NAB1: variants seen among roughly 807,000 people sequenced by gnomAD.
NAB1 encodes the protein NGFI-A-binding protein 1.
NAB1 carries 25 observed loss-of-function variants against 49.9 expected under a neutral mutation model. The observed-to-expected ratio is 0.50, with a 90% CI of 0.37 to 0.70. The LOEUF (loss-of-function observed/expected upper bound fraction) is 0.70, where lower values mean the gene tolerates loss of function less well. Among genes scored for constraint, NAB1 ranks in the 30% least tolerant of loss-of-function variants. NAB1 has a pLI of 0.00. For synonymous variants in NAB1, 198 were observed against 215.6 expected, an observed-to-expected ratio of 0.92 and a Z score of 0.71; for missense variants, 489 against 575.9, an observed-to-expected ratio of 0.85 and a Z score of 1.54.
rs57840299 is a variant in NAB1, at chr2:190,654,654, C to CTA, written c.-196-1322_-196-1321insAT. The stretch of plus-strand genomic sequence containing the variant: ...ATATGAGTAGTTTGGATTTCTTTCT[C>CTA]TGCACTGGTGGAGAAGTTCGCAAAT... On this transcript the variant is annotated intron_variant, in intron 2 of 9. Transcript: ENST00000337386. This position sits in a 1 kb window ranked among gnomAD's most constrained non-coding sequence, Gnocchi z 5.6. 0.89 allele frequency among the ~76,000 whole-genome samples: 135,329 copies of CTA among 152,014 alleles called. 61,196 individuals are homozygous for CTA. The highest frequency in any genetic ancestry group is 1 in the East Asian group (5,159 of 5,170).
rs929996765 is a variant in NAB1 at position 190,651,624 on chromosome 2, A to G, written c.-197+1642A>G. ...CTCAAACTCCTGGGGCCAAGGGATT[A>G]TCCCACCTTAGCCTCCGAAGTTATG... is the stretch of plus-strand genomic sequence containing the variant. On this transcript the variant is annotated intron_variant, in intron 2 of 9. Transcript: ENST00000337386. The surrounding 1 kb of genome is among the most constrained non-coding windows in gnomAD (Gnocchi z 4.3). Among the ~76,000 whole-genome samples, 2 of 152,212 alleles carry G rather than the reference A, an allele frequency of 1.3e-5. No individual in the cohort carries two copies. The highest frequency in any genetic ancestry group is 2.9e-5 in the Non-Finnish European group (2 of 68,044).
At chr2:190,660,026 T>G (rs1220230599) in intron 4 of NAB1, 31 bp downstream of exon 4, 1 of 1,569,332 alleles carries the variant, frequency 6.4e-7, no homozygotes, top group African/African-American at 1.4e-5. Context: ...CTTCTGTGTG[T>G]GTATGTGGCA....
Position 190,649,599 on chromosome 2 carries a change from C to T in NAB1, c.-334+239C>T, listed in dbSNP as rs568587032. Among the ~76,000 whole-genome samples the T allele has an allele frequency of 2.6e-5, 4 of 152,062 alleles. No individual in the cohort carries two copies. The South Asian group carries it at 8.3e-4, about 32-fold the overall frequency. On this transcript the variant is annotated intron_variant, in intron 1 of 9. Coordinates refer to ENST00000337386, the MANE Select transcript of NAB1 (RefSeq NM_005966.4). The surrounding 1 kb of genome is among the most constrained non-coding windows in gnomAD (Gnocchi z 6.1). ...GTGCCAGGGCGGCGGGGAGCGCGGC[C>T]CTGACTCGTGCATTTTCCCTCCGAG...
Position 190,649,739 on chromosome 2 carries a change from G to C in NAB1, c.-333-107G>C, listed in dbSNP as rs1166153683. 6.6e-6 allele frequency: 1 copy of C among 152,258 alleles called. No homozygotes were observed. The highest frequency in any genetic ancestry group is 1.5e-5 in the Non-Finnish European group (1 of 68,148). 9.4% of individuals were successfully genotyped at this position (152,258 alleles called of 1,614,324 possible). On this transcript the variant is annotated intron_variant, in intron 1 of 9. Coordinates refer to ENST00000337386, the MANE Select transcript of NAB1 (RefSeq NM_005966.4). The surrounding 1 kb of genome is among the most constrained non-coding windows in gnomAD (Gnocchi z 6.1). ...GCCCCAGAGTTTTGCAGCCACCTTC[G>C]TCAGGGCAGTCTTTTTGTTTGTTTA...
chr2:190,688,140 A>G (rs1368507843), intron 9 of NAB1, among the ~76,000 whole-genome samples: 1 of 152,238 alleles, frequency 6.6e-6, no homozygotes, highest in Non-Finnish European at 1.5e-5. Context: ...AAGTAACTTT[A>G]GGAGTCACTT....
At position 190,659,432 on chromosome 2, in the gene NAB1, C is replaced by G; in HGVS notation, c.256C>G (p.Leu86Val). 2 of 1,614,204 alleles carry G rather than the reference C, an allele frequency of 1.2e-6. No homozygotes were observed. Residue 86 changes from leucine to valine, a missense_variant, in exon 4 of 10, where the codon CTG becomes GTG. Leu to Val is a conservative substitution (Grantham distance 32, BLOSUM62 1). Around this residue, in one of 4 missense-constraint regions of NAB1, gnomAD observed 204 missense variants for 220.9 expected, o/e 0.92. Coordinates refer to ENST00000337386, the MANE Select transcript of NAB1 (RefSeq NM_005966.4). This position sits in a 1 kb window ranked among gnomAD's most constrained non-coding sequence, Gnocchi z 6.2. ...VTNPGLFNQP[L>V]TSLPVSSIPI... ...AAACCCTGGGCTTTTCAATCAGCCA[C>G]TGACTTCCCTTCCTGTCAGTAGCAT...
At chr2:190,690,190 T>C (rs1695885886) in intron 9 of NAB1, 55 bp from the exon 10 acceptor site, 2 of 1,236,360 alleles carry the variant, frequency 1.6e-6, no homozygotes, top group East Asian at 4.6e-5. Context: ...CTTTGTTTGA[T>C]TTTTGTAGTC....
chr2:190,661,702 C>G (rs1286032813), intron 4 of NAB1, among the ~76,000 whole-genome samples: 1 of 151,884 alleles, frequency 6.6e-6, no homozygotes, highest in African/African-American at 2.4e-5. Context: ...ATGAATTTCA[C>G]AAAATAAGGA....
chr2:190,681,310 C>T (rs1463173799), intron 6 of NAB1, among the ~76,000 whole-genome samples: 1 of 152,132 alleles, frequency 6.6e-6, no homozygotes, highest in Non-Finnish European at 1.5e-5. Flanking sequence ...ATGATAACCG[C>T]TTATATTGAA....
At chr2:190,681,332 T>G (rs1442336868) in intron 6 of NAB1, among the ~76,000 whole-genome samples, 5 of 152,254 alleles carry the variant, frequency 3.3e-5, no homozygotes, top group Admixed American at 2.0e-4. Context: ...TTGTTCTAAC[T>G]CTTCTACTAG....
chr2:190,685,818 T>C lies in NAB1; in HGVS notation c.1258+180T>C, dbSNP rs1695578318. The C allele has an allele frequency of 1.3e-5, 7 of 557,528 alleles. No homozygotes were observed. The South Asian group carries it at 3.0e-4, about 24-fold the overall frequency. 34.5% of individuals were successfully genotyped at this position (557,528 alleles called of 1,614,324 possible). On this transcript the variant is annotated intron_variant, in intron 8 of 9. Transcript: ENST00000337386. The surrounding 1 kb of genome is among the most constrained non-coding windows in gnomAD (Gnocchi z 4.5). ...AAAAGATAATTTATCCTGCAAATTT[T>C]AATTTGTAAATTTTTTAATCTTTAA...
intron 6 of NAB1, among the ~76,000 whole-genome samples, chr2:190,683,255 C>T (rs922417982): frequency 6.7e-6 from 1 of 150,218 alleles, no homozygotes; most frequent in African/African-American, 2.5e-5. Flanking sequence ...CCCAGCCTCC[C>T]TAGTAGCTGT....
At chr2:190,672,514 T>C (rs1280531867) in intron 5 of NAB1, among the ~76,000 whole-genome samples, 1 of 152,158 alleles carries the variant, frequency 6.6e-6, no homozygotes, top group African/African-American at 2.4e-5. Flanking sequence ...TCAGGGTAAA[T>C]ACATCTGTAG....
intron 4 of NAB1, among the ~76,000 whole-genome samples, chr2:190,662,888 A>G (rs1694299665): frequency 6.6e-6 from 1 of 152,190 alleles, no homozygotes; most frequent in Non-Finnish European, 1.5e-5. Context: ...TGGGGTGCTG[A>G]GCAGGTTACC....
At chr2:190,653,162 C>G (rs771174499) in intron 2 of NAB1, among the ~76,000 whole-genome samples, 8 of 152,164 alleles carry the variant, frequency 5.3e-5, no homozygotes, top group Non-Finnish European at 1.2e-4. Context: ...CCATTTCACC[C>G]TTCTCTCAGG....
chr2:190,683,328 T>G (rs1695447032), intron 6 of NAB1, among the ~76,000 whole-genome samples: 1 of 131,182 alleles, frequency 7.6e-6, no homozygotes, highest in African/African-American at 3.0e-5. Context: ...TTTTTTTTAG[T>G]AGAGATGGGG....
chr2:190,655,884 T>G (rs1427268969), intron 2 of NAB1, 93 bp from the exon 3 acceptor site: 1 of 152,204 alleles, frequency 6.6e-6, no homozygotes, highest in Non-Finnish European at 1.5e-5. Flanking sequence ...TGATTACCGT[T>G]TAAAAGATCA....
At chr2:190,683,491 T>G (rs1213215372) in intron 6 of NAB1, among the ~76,000 whole-genome samples, 2 of 151,936 alleles carry the variant, frequency 1.3e-5, no homozygotes, top group South Asian at 2.1e-4. Flanking sequence ...TCATAAAGCC[T>G]TCTTTCCAGT....
rs1383818617 is a variant in NAB1 at position 190,685,294 on chromosome 2, T to A, written c.1096-182T>A. Among the ~76,000 whole-genome samples the A allele has an allele frequency of 6.6e-6, 1 of 152,280 alleles. No individual in the cohort carries two copies. Among genetic ancestry groups the A allele is most frequent in the Non-Finnish European group, 1.5e-5 (1 of 68,050 alleles). On this transcript the variant is annotated intron_variant, in intron 7 of 9. Coordinates refer to ENST00000337386, the MANE Select transcript of NAB1 (RefSeq NM_005966.4). This position sits in a 1 kb window ranked among gnomAD's most constrained non-coding sequence, Gnocchi z 4.5. Reference sequence around the variant, plus strand: ...ATCTTTTGTACAATATCCAGCCTTTTATGTTTTAACATGATGATATAGACA... The same window carrying A: ...ATCTTTTGTACAATATCCAGCCTTTAATGTTTTAACATGATGATATAGACA...
Sources: allele counts gnomAD v4.1 joint callset (sites outside exome capture counted in the v4.1 genomes callset), GRCh38; gene constraint gnomAD v4.1.1; regional missense constraint gnomAD v4.1.1; non-coding constraint Gnocchi (gnomAD v3.1); transcripts MANE v1.5; gene names NCBI Gene and HGNC (gene_info 2026-07-23, HGNC 2026-07-21).